Variants in PTPRD observed in about 807,000 individuals in gnomAD.
PTPRD encodes protein tyrosine phosphatase receptor type D.
PTPRD carries 34 observed loss-of-function variants against 214.5 expected under a neutral mutation model. The ratio of observed to expected loss-of-function variants is 0.16; its 90% CI spans 0.12 to 0.21. The LOEUF is 0.21. Among genes scored for constraint, PTPRD ranks in the 10% least tolerant of loss-of-function variants. PTPRD has a pLI of 1.00. For missense variants in PTPRD, 2,545 were observed against 2,398.7 expected (o/e 1.06, Z -1.27); for synonymous variants, 1,128 against 845.7 (o/e 1.33, Z -5.79).
At chr9:9,696,172 G>C (rs149970887) in intron 7 of PTPRD, among the ~76,000 whole-genome samples, 1 of 152,096 alleles carries the variant, frequency 6.6e-6, no homozygotes, top group Non-Finnish European at 1.5e-5. Flanking sequence ...AAAGGTACTT[G>C]ATCTAATTTT....
At chr9:9,134,968 A>C (rs1382786027) in intron 10 of PTPRD, among the ~76,000 whole-genome samples, 2 of 152,302 alleles carry the variant, frequency 1.3e-5, no homozygotes, top group Middle Eastern at 3.4e-3. Flanking sequence ...TCCACAATAT[A>C]ATCAATGATT....
chr9:10,604,929 A>C (rs2133525361), intron 2 of PTPRD, among the ~76,000 whole-genome samples: 1 of 152,032 alleles, frequency 6.6e-6, no homozygotes, highest in African/African-American at 2.4e-5. Context: ...GTTTTTCAAA[A>C]GTTCCTGCTG....
chr9:10,113,027 C>T (rs935656607), intron 3 of PTPRD, among the ~76,000 whole-genome samples: 3 of 152,200 alleles, frequency 2.0e-5, no homozygotes, highest in Non-Finnish European at 4.4e-5. Context: ...CCAACGCCAA[C>T]CATCATCTGG....
intron 8 of PTPRD, among the ~76,000 whole-genome samples, chr9:9,478,799 G>A (rs1463726789): frequency 6.6e-6 from 1 of 152,168 alleles, no homozygotes; most frequent in East Asian, 1.9e-4. Context: ...TAAAGATGCT[G>A]CTCGAGTTTA....
chr9:9,829,814 T>A (rs928832763), intron 5 of PTPRD, among the ~76,000 whole-genome samples: 1 of 151,812 alleles, frequency 6.6e-6, no homozygotes, highest in African/African-American at 2.4e-5. Flanking sequence ...TATTATTACT[T>A]TTAAGAGATC....
At chr9:10,157,691 T>C (rs2099102051) in intron 3 of PTPRD, among the ~76,000 whole-genome samples, 1 of 152,164 alleles carries the variant, frequency 6.6e-6, no homozygotes, top group South Asian at 2.1e-4. Context: ...TCTAGTTAGG[T>C]TGGGGAAATT....
intron 9 of PTPRD, among the ~76,000 whole-genome samples, chr9:9,332,977 A>T (rs2042904916): frequency 6.6e-6 from 1 of 151,994 alleles, no homozygotes; most frequent in Non-Finnish European, 1.5e-5. Flanking sequence ...ATCTAAAGTG[A>T]TTGTTAGATA....
chr9:8,502,699 C>T (rs544286114), intron 23 of PTPRD, among the ~76,000 whole-genome samples: 2 of 151,942 alleles, frequency 1.3e-5, no homozygotes, highest in South Asian at 4.1e-4. Context: ...TTTTAAAAAG[C>T]TGATTTGGTT....
chr9:9,118,208 A>G (rs1185504992), intron 10 of PTPRD, among the ~76,000 whole-genome samples: 1 of 152,208 alleles, frequency 6.6e-6, no homozygotes. Flanking sequence ...GTATTTAAAT[A>G]TGCTTTTAGG....
At chr9:8,878,947 C>G (rs993778459) in intron 11 of PTPRD, among the ~76,000 whole-genome samples, 7 of 152,146 alleles carry the variant, frequency 4.6e-5, no homozygotes, top group Non-Finnish European at 7.4e-5. Context: ...TACACCTCAC[C>G]CAAGCTACAG....
At chr9:8,896,744 A>T (rs1483927836) in intron 11 of PTPRD, among the ~76,000 whole-genome samples, 1 of 152,194 alleles carries the variant, frequency 6.6e-6, no homozygotes, top group Non-Finnish European at 1.5e-5. Context: ...ATTATAGATG[A>T]GTGCAATTAA....
At chr9:9,906,858 T>C (rs1463178601) in intron 5 of PTPRD, among the ~76,000 whole-genome samples, 4 of 151,932 alleles carry the variant, frequency 2.6e-5, no homozygotes, top group Non-Finnish European at 5.9e-5. Context: ...TCCTTCTGAA[T>C]AAAAAATCTT....
At chr9:10,029,712 G>A (rs2097016305) in intron 4 of PTPRD, among the ~76,000 whole-genome samples, 2 of 152,232 alleles carry the variant, frequency 1.3e-5, no homozygotes, top group South Asian at 4.1e-4. Flanking sequence ...CTCATAGGCA[G>A]AAGGAACTTG....
At chr9:9,699,492 T>C (rs1454407189) in intron 7 of PTPRD, among the ~76,000 whole-genome samples, 1 of 152,180 alleles carries the variant, frequency 6.6e-6, no homozygotes, top group Admixed American at 6.5e-5. Flanking sequence ...CAGGGGTGTA[T>C]GTGTCTGATA....
intron 7 of PTPRD, among the ~76,000 whole-genome samples, chr9:9,606,750 G>A (rs1023094524): frequency 6.6e-6 from 1 of 151,632 alleles, no homozygotes; most frequent in Non-Finnish European, 1.5e-5. Flanking sequence ...GAAAACAACA[G>A]AAGTTCTTAC....
At chr9:9,867,399 T>G (rs755868680) in intron 5 of PTPRD, among the ~76,000 whole-genome samples, 13 of 152,178 alleles carry the variant, frequency 8.5e-5, no homozygotes, top group Non-Finnish European at 1.6e-4. Flanking sequence ...TAAAAATTCC[T>G]TTATTGATTT....
At chr9:8,838,003 T>G (rs1177304842) in intron 11 of PTPRD, among the ~76,000 whole-genome samples, 1 of 152,166 alleles carries the variant, frequency 6.6e-6, no homozygotes, top group Non-Finnish European at 1.5e-5. Flanking sequence ...CTTCTTGGTT[T>G]CTTATTGAAA....
At chr9:10,240,017 C>T (rs1351284878) in intron 3 of PTPRD, among the ~76,000 whole-genome samples, 1 of 151,946 alleles carries the variant, frequency 6.6e-6, no homozygotes, top group South Asian at 2.1e-4. Flanking sequence ...CTACCCCATA[C>T]TGAGGAGGGA....
At chr9:10,401,085 G>C (rs928339325) in intron 2 of PTPRD, among the ~76,000 whole-genome samples, 2 of 151,286 alleles carry the variant, frequency 1.3e-5, no homozygotes, top group Admixed American at 6.6e-5. Context: ...TGCTTTGCTT[G>C]GCATTTAAAT....
Sources: allele counts gnomAD v4.1 joint callset (sites outside exome capture counted in the v4.1 genomes callset), GRCh38; gene constraint gnomAD v4.1.1; transcripts MANE v1.5; gene names NCBI Gene and HGNC (gene_info 2026-07-23, HGNC 2026-07-21).